CASQ2: variants seen among roughly 807,000 people sequenced by gnomAD.
CASQ2 encodes calsequestrin 2.
CASQ2 carries 49 observed loss-of-function variants against 46.5 expected under a neutral mutation model. The ratio of observed to expected loss-of-function variants is 1.05; its 90% confidence interval spans 0.84 to 1.34. The LOEUF (loss-of-function observed/expected upper bound fraction) is 1.34, where lower values mean the gene tolerates loss of function less well. Among genes scored for constraint, CASQ2 ranks in the 40% most tolerant of loss-of-function variants. The pLI is 0.00. For synonymous variants in CASQ2, 174 were observed against 168.5 expected, an observed-to-expected ratio of 1.03 and a Z score of -0.25; for missense variants, 486 against 481.3, an observed-to-expected ratio of 1.01 and a Z score of -0.09.
At chr1:115,761,452 A>AAGGAGAAGGAGAAGG (rs1648941229) in intron 1 of CASQ2, among the ~76,000 whole-genome samples, 1 of 7,610 alleles carries the variant, frequency 1.3e-4, no homozygotes, top group Non-Finnish European at 2.9e-4. Flanking sequence ...GAAGAAGAAG[A>AAGGAGAAGGAGAAGG]AGAAGAAGAA....
At chr1:115,743,562 A>G (rs1210625608) in intron 2 of CASQ2, among the ~76,000 whole-genome samples, 1 of 152,146 alleles carries the variant, frequency 6.6e-6, no homozygotes, top group Non-Finnish European at 1.5e-5. Flanking sequence ...ATAGTTTCCT[A>G]TAATTTAAAT....
At chr1:115,741,616 G>C (rs1648181762) in intron 2 of CASQ2, among the ~76,000 whole-genome samples, 2 of 152,176 alleles carry the variant, frequency 1.3e-5, no homozygotes, top group Non-Finnish European at 2.9e-5. Context: ...GGCCAGGATG[G>C]ACAGCTTGCT....
intron 1 of CASQ2, 110 bp from the exon 2 acceptor site, chr1:115,745,022 G>C (rs891458672): frequency 1.3e-5 from 10 of 784,724 alleles, no homozygotes; most frequent in Non-Finnish European, 2.0e-5. Context: ...TATACTTGCT[G>C]TTACTATGTG....
chr1:115,721,699 C>T (rs551573095), intron 7 of CASQ2, among the ~76,000 whole-genome samples: 89 of 152,114 alleles, frequency 5.9e-4, no homozygotes, highest in Non-Finnish European at 1.1e-3. Context: ...GCCTCTCAAG[C>T]AGCTGGGACT....
intron 7 of CASQ2, among the ~76,000 whole-genome samples, chr1:115,721,110 T>G (rs1039422272): frequency 3.3e-5 from 5 of 152,090 alleles, no homozygotes; most frequent in African/African-American, 9.7e-5. Flanking sequence ...TGCAATGGAG[T>G]GACCTAGATG....
intron 7 of CASQ2, among the ~76,000 whole-genome samples, chr1:115,724,866 C>T (rs755980326): frequency 6.6e-6 from 1 of 152,182 alleles, no homozygotes; most frequent in Non-Finnish European, 1.5e-5. Flanking sequence ...TGGACTTGAA[C>T]CCTAGTCTCT....
intron 7 of CASQ2, among the ~76,000 whole-genome samples, chr1:115,720,295 T>G (rs7354918): frequency 0.45 from 68,224 of 151,938 alleles, 15,486 homozygotes; most frequent in South Asian, 0.55. Context: ...TCAGAAGCAG[T>G]GCCTTCCTGC....
chr1:115,754,151 A>G (rs754743081), intron 1 of CASQ2, among the ~76,000 whole-genome samples: 10 of 152,132 alleles, frequency 6.6e-5, no homozygotes, highest in Non-Finnish European at 1.2e-4. Flanking sequence ...TGCCGCCCTC[A>G]AAGTAGGCCT....
intron 1 of CASQ2, among the ~76,000 whole-genome samples, chr1:115,751,079 C>G (rs948348366): frequency 6.6e-6 from 1 of 152,194 alleles, no homozygotes; most frequent in Non-Finnish European, 1.5e-5. Flanking sequence ...TGGACAATAC[C>G]AATATCTATT....
At chr1:115,727,843 G>T (rs2101079959) in intron 5 of CASQ2, among the ~76,000 whole-genome samples, 1 of 152,310 alleles carries the variant, frequency 6.6e-6, no homozygotes, top group Non-Finnish European at 1.5e-5. Flanking sequence ...CAGATAAAGA[G>T]CTCGGAGAGC....
chr1:115,741,271 TG>T (rs1398517322), intron 2 of CASQ2, among the ~76,000 whole-genome samples: 1 of 152,232 alleles, frequency 6.6e-6, no homozygotes, highest in Non-Finnish European at 1.5e-5. Flanking sequence ...TTGTCCCCTG[TG>T]GGACTCCCTT....
chr1:115,726,961 GC>G (rs1257867029), intron 6 of CASQ2, 30 bp downstream of exon 6: 36 of 1,358,040 alleles, frequency 2.7e-5, no homozygotes, highest in East Asian at 1.0e-4. Flanking sequence ...CAGACCCCAG[GC>G]CCCCAGCCCC....
At chr1:115,738,992 C>G (rs954330225) in intron 3 of CASQ2, among the ~76,000 whole-genome samples, 8 of 150,542 alleles carry the variant, frequency 5.3e-5, no homozygotes, top group African/African-American at 1.7e-4. Context: ...CTTTCTGTGC[C>G]TAGCTTATTT....
chr1:115,768,433 G>T lies in CASQ2; in HGVS notation c.109C>A (p.Leu37Ile), dbSNP rs1649204089. The part of the protein sequence containing the change: ...TYDGKDRVVS[L>I]SEKNFKQVLK... ...ACCTGCTTGAAGTTCTTCTCGGAAAGACTTACCACTCGGTCCTTCCCATCA... is the reference window on the plus strand; with the variant it reads ...ACCTGCTTGAAGTTCTTCTCGGAAATACTTACCACTCGGTCCTTCCCATCA... The change falls in exon 1 of 11, where the codon CTT becomes ATT. Residue 37 changes from leucine (L) to isoleucine (I), a missense_variant. Leu to Ile is a conservative substitution (Grantham distance 5). Transcript: ENST00000261448. The T allele has an allele frequency of 1.2e-6, 2 of 1,613,614 alleles. No individual in the cohort carries two copies. The highest frequency in any genetic ancestry group is 1.7e-6 in the Non-Finnish European group (2 of 1,179,644).
intron 8 of CASQ2, among the ~76,000 whole-genome samples, chr1:115,710,998 G>C (rs1314188646): frequency 2.0e-5 from 3 of 152,228 alleles, no homozygotes; most frequent in African/African-American, 4.8e-5. Flanking sequence ...GCACAGCCAA[G>C]TCAGGAGCCA....
intron 1 of CASQ2, among the ~76,000 whole-genome samples, chr1:115,762,867 C>T (rs930127065): frequency 3.9e-5 from 6 of 152,070 alleles, no homozygotes; most frequent in Non-Finnish European, 8.8e-5. Flanking sequence ...ATTCCTCATC[C>T]CAGGCTGGGT....
chr1:115,727,754 G>C (rs932239795), intron 5 of CASQ2, among the ~76,000 whole-genome samples: 1 of 152,278 alleles, frequency 6.6e-6, no homozygotes, highest in Middle Eastern at 3.4e-3. Flanking sequence ...TGGGTGGAAG[G>C]GCTCCCTGGG....
At chr1:115,712,745 A>G (rs150011716) in intron 8 of CASQ2, among the ~76,000 whole-genome samples, 23 of 151,732 alleles carry the variant, frequency 1.5e-4, no homozygotes, top group African/African-American at 5.6e-4. Flanking sequence ...AATCCCAGCT[A>G]CTCGGGAGGC....
intron 2 of CASQ2, among the ~76,000 whole-genome samples, chr1:115,742,573 C>A (rs1438954071): frequency 6.6e-6 from 1 of 152,198 alleles, no homozygotes; most frequent in African/African-American, 2.4e-5. Flanking sequence ...CAAGCGCCAT[C>A]ATATTCTTTG....
Sources: gnomAD v4.1 joint callset for allele counts (sites outside exome capture counted in the v4.1 genomes callset) on GRCh38, gnomAD v4.1.1 for gene constraint, MANE v1.5 for transcripts, NCBI Gene and HGNC (gene_info 2026-07-23, HGNC 2026-07-21) for gene names.